The following RBFOX1 variants were observed in gnomAD, a reference collection of about 807,000 sequenced individuals.
The protein encoded by RBFOX1 is RNA binding fox-1 homolog 1.
In RBFOX1, 8 loss-of-function variants were observed where a neutral mutation model predicts 57.7. The observed-to-expected ratio is 0.14, with a 90% CI of 0.08 to 0.25. The LOEUF is 0.25. Among genes scored for constraint, RBFOX1 ranks in the 10% least tolerant of loss-of-function variants. The probability of loss-of-function intolerance (pLI) is 1.00; values close to 1 mark genes in which losing one functional copy is unlikely to be tolerated. For missense variants in RBFOX1, 611 were observed against 548.5 expected, an observed-to-expected ratio of 1.11 and a Z score of -1.14; for synonymous variants, 326 against 222.4, an observed-to-expected ratio of 1.47 and a Z score of -4.15.
chr16:6,313,676 G>C (rs143838166), intron 1 of RBFOX1, among the ~76,000 whole-genome samples: 239 of 152,228 alleles, frequency 1.6e-3, no homozygotes, highest in African/African-American at 5.2e-3. Flanking sequence ...TGTCCTCCGA[G>C]TTTCCTTCAC....
At chr16:6,807,683 G>T (rs1048068345) in intron 3 of RBFOX1, among the ~76,000 whole-genome samples, 4 of 152,048 alleles carry the variant, frequency 2.6e-5, no homozygotes, top group African/African-American at 9.7e-5. Context: ...GGGCATGGTG[G>T]CAGACGCCTG....
chr16:6,309,193 C>T (rs1274119821), intron 1 of RBFOX1, among the ~76,000 whole-genome samples: 1 of 152,056 alleles, frequency 6.6e-6, no homozygotes, highest in East Asian at 1.9e-4. Flanking sequence ...AGTTCAGCTT[C>T]CCTTTTCATA....
Position 6,870,910 on chromosome 16 carries a change from T to TA in RBFOX1, c.-15-181141dup, listed in dbSNP as rs530719365. 3.9e-5 allele frequency among the ~76,000 whole-genome samples: 6 copies of TA among 152,282 alleles called. No individual in the cohort carries two copies. In the East Asian group the frequency reaches 7.7e-4, roughly 20 times the overall value. On this transcript the variant is annotated intron_variant, in intron 3 of 15. Transcript: ENST00000550418. ...AATTAAAACTCATTTATAAAGAGAA[T>TA]AAAAAATCAGACTTTTTCCATTTCT...
intron 1 of RBFOX1, among the ~76,000 whole-genome samples, chr16:6,047,654 T>C (rs78937659): frequency 0.011 from 1,717 of 152,238 alleles, 27 homozygotes; most frequent in African/African-American, 0.039. Context: ...ATGGAATGGT[T>C]CAGAGTGAAT....
intron 1 of RBFOX1, among the ~76,000 whole-genome samples, chr16:5,350,051 T>C (rs551948131): frequency 2.0e-5 from 3 of 152,364 alleles, no homozygotes; most frequent in East Asian, 3.9e-4. Context: ...GAACTGGCGC[T>C]TGCGTGAGAG....
intron 1 of RBFOX1, among the ~76,000 whole-genome samples, chr16:6,066,782 G>T (rs1429375418): frequency 6.6e-6 from 1 of 152,124 alleles, no homozygotes; most frequent in Non-Finnish European, 1.5e-5. Context: ...GCTGAAGCTG[G>T]CCATATGGTT....
chr16:6,454,884 T>G (rs796426156), intron 2 of RBFOX1, among the ~76,000 whole-genome samples: 96,346 of 121,286 alleles, frequency 0.79, 38,139 homozygotes, highest in Middle Eastern at 0.85. Context: ...TTTTTTTTTT[T>G]TTTTTTTTTT....
downstream of RBFOX1, chr16:5,600,237 C>T (rs912026523): frequency 4.0e-5 from 6 of 151,540 alleles, no homozygotes; most frequent in African/African-American, 1.5e-4. Flanking sequence ...GGAGGCAGAG[C>T]TTGCAGTGAG....
At chr16:6,360,841 C>G (rs2088341986) in intron 2 of RBFOX1, among the ~76,000 whole-genome samples, 1 of 152,204 alleles carries the variant, frequency 6.6e-6, no homozygotes. Flanking sequence ...ATGGCGCCCC[C>G]TACAGTTGTT....
At chr16:6,095,023 G>A (rs772268616) in intron 1 of RBFOX1, among the ~76,000 whole-genome samples, 13 of 152,158 alleles carry the variant, frequency 8.5e-5, no homozygotes, top group Non-Finnish European at 1.8e-4. Flanking sequence ...TGGCACCACT[G>A]CACTCCAGCC....
intron 3 of RBFOX1, among the ~76,000 whole-genome samples, chr16:5,635,844 A>G (rs560391626): frequency 1.3e-4 from 20 of 152,234 alleles, no homozygotes; most frequent in African/African-American, 4.8e-4. Context: ...GATTTCTATC[A>G]TGCATTCCAT....
chr16:7,610,081 G>A (rs2141392268), intron 10 of RBFOX1, among the ~76,000 whole-genome samples: 1 of 143,268 alleles, frequency 7.0e-6, no homozygotes, highest in East Asian at 2.1e-4. Flanking sequence ...CTCCTGAAGT[G>A]CTGGGATTAC....
intron 4 of RBFOX1, among the ~76,000 whole-genome samples, chr16:7,351,750 T>TA (rs1181808711): frequency 6.6e-6 from 1 of 152,176 alleles, no homozygotes; most frequent in African/African-American, 2.4e-5. Context: ...GCAGCTGACT[T>TA]ACTGTGGTAC....
At chr16:7,303,056 G>A (rs1181538901) in intron 4 of RBFOX1, among the ~76,000 whole-genome samples, 1 of 152,226 alleles carries the variant, frequency 6.6e-6, no homozygotes, top group Non-Finnish European at 1.5e-5. Context: ...TTTGAGAGGA[G>A]CGGGTGTTCT....
chr16:7,560,553 A>G (rs1268816973), intron 5 of RBFOX1, among the ~76,000 whole-genome samples: 1 of 151,926 alleles, frequency 6.6e-6, no homozygotes, highest in Non-Finnish European at 1.5e-5. Flanking sequence ...AAAAGCAAAA[A>G]TTGTTTTTTG....
At position 7,567,591 on chromosome 16, in the gene RBFOX1, C is replaced by T. The variant is rs571248826; in HGVS notation, c.271-12186C>T. Reference sequence around the variant, plus strand: ...TATATATATATATCCCTATATATGGCCCTATATATATATCCCTTTATATGG... The same window carrying T: ...TATATATATATATCCCTATATATGGTCCTATATATATATCCCTTTATATGG... On this transcript the variant is annotated intron_variant, in intron 5 of 15. Transcript: ENST00000550418. 1.9e-3 allele frequency among the ~76,000 whole-genome samples: 149 copies of T among 79,490 alleles called. 6 individuals carry two copies. The highest frequency in any genetic ancestry group is 5.7e-3 in the African/African-American group (142 of 24,806). The allele number at this position is 79,490 out of a possible 152,430, so 52.1% of individuals were successfully genotyped here.
At chr16:5,926,534 C>G (rs1233848326) in intron 4 of RBFOX1, among the ~76,000 whole-genome samples, 1 of 152,080 alleles carries the variant, frequency 6.6e-6, no homozygotes, top group African/African-American at 2.4e-5. Context: ...GTGACTGTAG[C>G]CCACTGACAG....
chr16:6,155,509 G>A (rs2096832188), intron 1 of RBFOX1, among the ~76,000 whole-genome samples: 1 of 152,222 alleles, frequency 6.6e-6, no homozygotes, highest in African/African-American at 2.4e-5. Flanking sequence ...TTGGTAATGG[G>A]ACAAGGAGCT....
intron 4 of RBFOX1, among the ~76,000 whole-genome samples, chr16:5,934,553 G>A (rs2059130653): frequency 6.6e-6 from 1 of 152,212 alleles, no homozygotes; most frequent in Non-Finnish European, 1.5e-5. Flanking sequence ...ACTGAGGCCT[G>A]CAGTATGGAC....
Sources: gnomAD v4.1 joint callset for allele counts (sites outside exome capture counted in the v4.1 genomes callset) on GRCh38, gnomAD v4.1.1 for gene constraint, MANE v1.5 for transcripts, NCBI Gene and HGNC (gene_info 2026-07-23, HGNC 2026-07-21) for gene names.